CHTF18: variants seen among roughly 807,000 people sequenced by gnomAD.
The protein encoded by CHTF18 is chromosome transmission fidelity factor 18.
In CHTF18, 151 loss-of-function variants were observed where a neutral mutation model predicts 113.4. That is an observed-to-expected ratio of 1.33 (90% CI 1.17 to 1.52). The LOEUF is 1.52. Ranked by LOEUF, CHTF18 falls within the 40% of genes most tolerant of loss-of-function variation. The pLI, the probability that CHTF18 is intolerant of heterozygous loss-of-function variation, is 0.00. For synonymous variants in CHTF18, 916 were observed against 598.8 expected (o/e 1.53, Z -7.74); for missense variants, 1,982 against 1,381.6 (o/e 1.43, Z -6.89).
chr16:792,299 C>T lies in CHTF18; in HGVS notation c.1278C>T (p.Gly426=), dbSNP rs200733521. The stretch of plus-strand genomic sequence containing the variant: ...AGATGGAGTCGGTGCTGGGTGCTGG[C>T]GGGAAGCCCAACTGCCTGGTCATCG... ...ATQMESVLGA[G]GKPNCLVIDE... is the part of the protein sequence containing the mutation. The change falls in exon 10 of 22, where the codon GGC becomes GGT. Residue 426 remains glycine, a synonymous_variant. Coordinates refer to ENST00000262315, the MANE Select transcript of CHTF18 (RefSeq NM_022092.3). 316 of 1,554,544 alleles carry T rather than the reference C, an allele frequency of 2.0e-4. No homozygotes were observed. In the African/African-American group the frequency reaches 2.4e-3, roughly 12 times the overall value.
rs1349689766 is a variant in CHTF18, at chr16:795,776, C to T, written c.2267C>T (p.Ala756Val). The change falls in exon 17 of 22, where the codon GCC (alanine) becomes GTC (valine). Residue 756 changes from alanine (A) to valine (V), a missense_variant. Physicochemically the swap from Ala to Val is moderately conservative, Grantham distance 64. Transcript: ENST00000262315. Reference protein sequence around the residue: ...PATRSRATPQALLLDALCLLL... With the variant: ...PATRSRATPQVLLLDALCLLL... ...ACGCGCAGCCGGGCCACGCCCCAGGCCCTGCTCCTCGATGCCCTCTGCCTG... is the reference window on the plus strand; with the variant it reads ...ACGCGCAGCCGGGCCACGCCCCAGGTCCTGCTCCTCGATGCCCTCTGCCTG... 1.2e-6 allele frequency: 2 copies of T among 1,609,790 alleles called. No homozygotes were observed. The highest frequency in any genetic ancestry group is 2.2e-5 in the East Asian group (1 of 44,668).
intron 17 of CHTF18, 37 bp downstream of exon 17, chr16:795,871 G>T: frequency 6.2e-7 from 1 of 1,606,408 alleles, no homozygotes; most frequent in Admixed American, 1.7e-5. Flanking sequence ...TTCCCCGCCT[G>T]CTGCCCTCCT....
Position 793,205 on chromosome 16 carries a change from G to A in CHTF18, c.1733G>A (p.Gly578Asp), listed in dbSNP as rs768355204. 5 of 1,609,200 alleles carry A rather than the reference G, an allele frequency of 3.1e-6. No homozygotes were observed. The Admixed American group carries it at 5.0e-5, about 16-fold the overall frequency. ...SVRDVQATRV[G>D]LKDQRRGLFS... ...CGGGACGTGCAGGCCACACGCGTGGGCCTCAAGGACCAGCGCAGAGGGCTC... is the reference window on the plus strand; with the variant it reads ...CGGGACGTGCAGGCCACACGCGTGGACCTCAAGGACCAGCGCAGAGGGCTC... Residue 578 changes from glycine to aspartate, a missense_variant, in exon 14 of 22, where the codon GGC becomes GAC. Physicochemically the swap from Gly to Asp is moderately conservative, Grantham distance 94. Coordinates refer to ENST00000262315, the MANE Select transcript of CHTF18 (RefSeq NM_022092.3).
In CHTF18 at chr16:792,461, GCATCCTGAA is replaced by G. The variant is rs1383512202; in HGVS notation, c.1351_1359del (p.Ile451_Asn453del). The stretch of plus-strand genomic sequence containing the variant: ...AAGGCCGCCATCAACGTCCTCCTGA[GCATCCTGAA>G]CCGCAAGGGGCCACAGGAGGTGGGG... On this transcript the variant is annotated inframe_deletion, in exon 11 of 22. Transcript: ENST00000262315. 1.9e-6 allele frequency: 3 copies of G among 1,573,356 alleles called. No individual in the cohort carries two copies. The African/African-American group carries it at 4.0e-5, about 21-fold the overall frequency.
Position 793,032 on chromosome 16 carries a change from A to G in CHTF18, c.1639A>G (p.Asn547Asp). The change falls in exon 13 of 22, where the codon AAT becomes GAT. Residue 547 changes from asparagine to aspartate, a missense_variant. Coordinates refer to ENST00000262315, the MANE Select transcript of CHTF18 (RefSeq NM_022092.3). The part of the protein sequence containing the change: ...VLAALCEKTD[N>D]DIRACINTLQ... ...GGCCGCCCTCTGTGAGAAAACTGAC[A>G]ATGACATCCGGGCCTGCATCAACAC... The G allele has an allele frequency of 1.3e-6, 2 of 1,554,746 alleles. No homozygotes were observed. The highest frequency in any genetic ancestry group is 1.7e-6 in the Non-Finnish European group (2 of 1,149,220).
At position 792,556 on chromosome 16, in the gene CHTF18, C is replaced by G. The variant is rs983326307; in HGVS notation, c.1444C>G (p.Leu482Val). 6.3e-7 allele frequency: 1 copy of G among 1,596,134 alleles called. No individual in the cohort carries two copies. Among genetic ancestry groups the G allele is most frequent in the African/African-American group, 1.4e-5 (1 of 73,728 alleles). The change falls in exon 11 of 22, where the codon CTC (leucine) becomes GTC (valine). Residue 482 changes from leucine (L) to valine (V), a missense_variant. Physicochemically the swap from Leu to Val is conservative, Grantham distance 32 (BLOSUM62 1). Coordinates refer to ENST00000262315, the MANE Select transcript of CHTF18 (RefSeq NM_022092.3). ...GRRRRAEGGL[L>V]MRPIICICND... ...ACGGCGCCGGGCAGAGGGGGGGCTC[C>G]TCATGAGGCCCATTATCTGCATTTG...
At chr16:794,937 G>A (rs1391622564) in intron 15 of CHTF18, 195 bp from the exon 16 acceptor site, 3 of 586,526 alleles carry the variant, frequency 5.1e-6, no homozygotes, top group Admixed American at 6.2e-5. Context: ...GACCCCTTGG[G>A]CCCAGTGACC....
At chr16:797,195 A>G (rs1596775506) in intron 20 of CHTF18, 103 bp downstream of exon 20, 1 of 1,350,462 alleles carries the variant, frequency 7.4e-7, no homozygotes, top group Non-Finnish European at 9.7e-7. Flanking sequence ...GGGTGGGGCC[A>G]GGGTACCTTT....
In CHTF18 at chr16:795,951, G is replaced by A. The variant is rs1452234677; in HGVS notation, c.2330G>A (p.Ser777Asn). 2 of 1,609,794 alleles carry A rather than the reference G, an allele frequency of 1.2e-6. No individual in the cohort carries two copies. The highest frequency in any genetic ancestry group is 1.7e-6 in the Non-Finnish European group (2 of 1,178,726). ...CTGCTGCCTCCCATCCCCTAGGTGA[G>A]CACACAGCTGTACAGCACCCGTGAA... ...DILAPKLRPVSTQLYSTREKQ... is the reference protein window; with the variant it reads ...DILAPKLRPVNTQLYSTREKQ... The change falls in exon 18 of 22, where the codon AGC becomes AAC. Residue 777 changes from serine (S) to asparagine (N), a missense_variant. Coordinates refer to ENST00000262315, the MANE Select transcript of CHTF18 (RefSeq NM_022092.3).
intron 8 of CHTF18, 58 bp from the exon 9 acceptor site, chr16:791,793 G>A (rs1312176390): frequency 5.2e-6 from 8 of 1,539,756 alleles, no homozygotes; most frequent in Non-Finnish European, 2.6e-6. Flanking sequence ...CTGGCTGCTA[G>A]GCCGGGAGCG....
At chr16:797,395 T>G (rs572289309) in intron 20 of CHTF18, among the ~76,000 whole-genome samples, 13 of 152,108 alleles carry the variant, frequency 8.5e-5, no homozygotes, top group Admixed American at 3.3e-4. Flanking sequence ...GCTGGCTCAG[T>G]GCCCTAAGGG....
intron 19 of CHTF18, 48 bp from the exon 20 acceptor site, chr16:796,913 C>A: frequency 6.5e-7 from 1 of 1,544,038 alleles, no homozygotes; most frequent in East Asian, 2.3e-5. Flanking sequence ...TGCACCATCC[C>A]CACTGTATCC....
chr16:795,649 C>A (rs372516253), intron 16 of CHTF18, 36 bp from the exon 17 acceptor site: 1 of 1,482,360 alleles, frequency 6.7e-7, no homozygotes, highest in Non-Finnish European at 9.1e-7. Flanking sequence ...CCCGGGAGGC[C>A]CAGGTGACCA....
intron 9 of CHTF18, 103 bp from the exon 10 acceptor site, chr16:792,121 C>T (rs1418878116): frequency 1.2e-5 from 18 of 1,524,868 alleles, no homozygotes; most frequent in South Asian, 4.9e-5. Flanking sequence ...GCAGCAGCCG[C>T]GTCATGTGAC....
Position 791,259 on chromosome 16 carries a change from G to A in CHTF18, c.993G>A (p.Pro331=), listed in dbSNP as rs369540346. 21 of 1,610,278 alleles carry A rather than the reference G, an allele frequency of 1.3e-5. No individual in the cohort carries two copies. The highest frequency in any genetic ancestry group is 6.7e-5 in the East Asian group (3 of 44,838). The change falls in exon 8 of 22, where the codon CCG becomes CCA. Residue 331 remains proline (P), a synonymous_variant. Transcript: ENST00000262315. Reference sequence around the variant, plus strand: ...GGAAGCCCAGGCCCAGTGTTGAGCCGGCCCGGGTCAGCAAGGAGGCCACAG... The same window carrying A: ...GGAAGCCCAGGCCCAGTGTTGAGCCAGCCCGGGTCAGCAAGGAGGCCACAG... ...PSRKPRPSVE[P]ARVSKEATAP... is the part of the protein sequence containing the mutation.
rs1300077644 is a variant in CHTF18, at chr16:790,257, G to A, written c.687G>A (p.Gln229=). 10 of 1,606,682 alleles carry A rather than the reference G, an allele frequency of 6.2e-6. No homozygotes were observed. The highest frequency in any genetic ancestry group is 2.2e-5 in the East Asian group (1 of 44,558). ...TGTCCTTAGCCTCCCTGAAGAAGCA[G>A]GTCGACGGCGAGGTAGGGGCTGCGG... is the stretch of plus-strand genomic sequence containing the variant. The part of the protein sequence containing the change: ...LGVSLASLKK[Q]VDGERRERLL... The change falls in exon 5 of 22, where the codon CAG becomes CAA. Residue 229 remains glutamine, a synonymous_variant. Coordinates refer to ENST00000262315, the MANE Select transcript of CHTF18 (RefSeq NM_022092.3).
At chr16:794,285 A>G (rs2042279420) in intron 15 of CHTF18, 84 bp downstream of exon 15, 1 of 1,493,706 alleles carries the variant, frequency 6.7e-7, no homozygotes, top group East Asian at 2.3e-5. Flanking sequence ...GTCCTCCCGT[A>G]TGGACGGGGA....
chr16:791,515 G>A (rs1444465116), intron 8 of CHTF18, 145 bp downstream of exon 8: 1 of 1,438,868 alleles, frequency 6.9e-7, no homozygotes, highest in African/African-American at 1.4e-5. Flanking sequence ...GCGTGAGTTA[G>A]AACTGGAGCG....
chr16:789,119 C>A lies in CHTF18; in HGVS notation c.280C>A (p.Pro94Thr). 1 of 1,540,546 alleles carries A rather than the reference C, an allele frequency of 6.5e-7. No individual in the cohort carries two copies. The highest frequency in any genetic ancestry group is 1.2e-5 in the South Asian group (1 of 83,160). The change falls in exon 2 of 22, where the codon CCC becomes ACC. Residue 94 changes from proline to threonine, a missense_variant. Pro to Thr is a conservative substitution (Grantham distance 38). Coordinates refer to ENST00000262315, the MANE Select transcript of CHTF18 (RefSeq NM_022092.3). The stretch of plus-strand genomic sequence containing the variant: ...CGACCTGCAGCCGGCCGGGTCCCTG[C>A]CCCACGGTAGGTTGGCGGCATTGCC... ...DADLQPAGSL[P>T]HAPRIKRPRL...
Sources: gnomAD v4.1 joint callset for allele counts (sites outside exome capture counted in the v4.1 genomes callset) on GRCh38, gnomAD v4.1.1 for gene constraint, MANE v1.5 for transcripts, NCBI Gene and HGNC (gene_info 2026-07-23, HGNC 2026-07-21) for gene names.